HEXB: variants seen among roughly 807,000 people sequenced by gnomAD.
HEXB encodes the protein beta-hexosaminidase subunit beta.
HEXB carries 51 observed loss-of-function variants against 71.2 expected under a neutral mutation model. That is an observed-to-expected ratio of 0.72 (90% confidence interval 0.57 to 0.90). The LOEUF (loss-of-function observed/expected upper bound fraction) is 0.90. HEXB is among the 40% of genes least tolerant of loss of function. The pLI is 0.00. For missense variants in HEXB, 617 were observed against 677.0 expected (o/e 0.91, Z 0.98); for synonymous variants, 266 against 249.3 (o/e 1.07, Z -0.63).
intron 5 of HEXB, among the ~76,000 whole-genome samples, chr5:74,698,997 C>A (rs565250394): frequency 2.6e-5 from 4 of 151,956 alleles, no homozygotes; most frequent in Non-Finnish European, 1.5e-5. Context: ...CCAGCCTGAC[C>A]ACCATGGTGA....
At chr5:74,643,526 C>A (rs1408080048) in intron 1 of HEXB, among the ~76,000 whole-genome samples, 3 of 152,212 alleles carry the variant, frequency 2.0e-5, no homozygotes, top group African/African-American at 7.2e-5. Context: ...GGGAGCAGGT[C>A]TTTGCCTCTG....
intron 5 of HEXB, among the ~76,000 whole-genome samples, chr5:74,697,807 C>G (rs1457208548): frequency 6.6e-6 from 1 of 151,150 alleles, no homozygotes; most frequent in Non-Finnish European, 1.5e-5. Flanking sequence ...GTGACCACCT[C>G]TTACTTTTTT....
chr5:74,640,648 C>CG (rs1280124688), intron 1 of HEXB: 2 of 152,348 alleles, frequency 1.3e-5, no homozygotes, highest in Non-Finnish European at 2.9e-5. Context: ...CCTTGTGTGC[C>CG]GGCGGCCGCC....
chr5:74,666,117 G>A (rs946036810), intron 1 of HEXB, among the ~76,000 whole-genome samples: 4 of 152,226 alleles, frequency 2.6e-5, no homozygotes, highest in African/African-American at 9.6e-5. Context: ...CAGGAGAATT[G>A]TTGAAACTGA....
intron 11 of HEXB, chr5:74,720,196 T>G: frequency 1.8e-6 from 1 of 562,684 alleles, no homozygotes; most frequent in East Asian, 3.2e-5. Flanking sequence ...ACACGTGCTG[T>G]GAACCGTGGG....
At chr5:74,654,076 C>T (rs1321774634) in intron 1 of HEXB, among the ~76,000 whole-genome samples, 1 of 152,118 alleles carries the variant, frequency 6.6e-6, no homozygotes, top group Non-Finnish European at 1.5e-5. Context: ...AAGCTGCCCT[C>T]ACTCCCTTTG....
chr5:74,711,046 T>C (rs1423478600), intron 6 of HEXB, among the ~76,000 whole-genome samples: 3 of 150,340 alleles, frequency 2.0e-5, no homozygotes, highest in African/African-American at 7.3e-5. Flanking sequence ...ACTACAAGGC[T>C]ACAGTAACCA....
chr5:74,705,579 GC>G (rs1351305308), intron 6 of HEXB: 4 of 450,674 alleles, frequency 8.9e-6, no homozygotes, highest in African/African-American at 2.0e-5. Context: ...CAAGGTAGAA[GC>G]CCTGAATAAT....
At chr5:74,697,975 C>T (rs111992538) in intron 5 of HEXB, among the ~76,000 whole-genome samples, 168 of 152,036 alleles carry the variant, frequency 1.1e-3, no homozygotes, top group African/African-American at 3.3e-3. Flanking sequence ...CCCACCATCA[C>T]CTGCCAATTT....
At chr5:74,672,670 C>T (rs1454339440) in intron 1 of HEXB, among the ~76,000 whole-genome samples, 1 of 152,228 alleles carries the variant, frequency 6.6e-6, no homozygotes, top group African/African-American at 2.4e-5. Flanking sequence ...GCAAACCCTG[C>T]ACTGGGTAGC....
chr5:74,674,543 G>A (rs1748596585), intron 1 of HEXB, among the ~76,000 whole-genome samples: 1 of 149,712 alleles, frequency 6.7e-6, no homozygotes. Flanking sequence ...GGCGGAGCTT[G>A]CAGTGAGCTG....
chr5:74,647,870 G>A (rs938079135), intron 1 of HEXB, among the ~76,000 whole-genome samples: 2 of 152,176 alleles, frequency 1.3e-5, no homozygotes, highest in Admixed American at 1.3e-4. Context: ...TACAGGCATC[G>A]TGCTAAGGAA....
chr5:74,651,942 A>G (rs1453961345), intron 1 of HEXB, among the ~76,000 whole-genome samples: 1 of 152,206 alleles, frequency 6.6e-6, no homozygotes. Flanking sequence ...ACATGCCAGC[A>G]CAAATCCTCC....
chr5:74,715,317 CAA>C (rs1466670275), intron 7 of HEXB, among the ~76,000 whole-genome samples, 191 bp from the exon 8 acceptor site: 4 of 152,112 alleles, frequency 2.6e-5, no homozygotes, highest in Non-Finnish European at 4.4e-5. Context: ...TAATGGGAAA[CAA>C]AGAGGCAAAG....
chr5:74,714,998 G>T (rs1329666255), intron 7 of HEXB, among the ~76,000 whole-genome samples: 2 of 152,176 alleles, frequency 1.3e-5, no homozygotes, highest in South Asian at 4.1e-4. Context: ...TAAAATAATG[G>T]ACAGAACTGA....
At chr5:74,643,932 G>A (rs1405868831) in intron 1 of HEXB, among the ~76,000 whole-genome samples, 1 of 152,208 alleles carries the variant, frequency 6.6e-6, no homozygotes. Context: ...ATCTGTGCAA[G>A]GAAGATAGCA....
At chr5:74,711,110 G>C (rs1405924662) in intron 6 of HEXB, among the ~76,000 whole-genome samples, 6 of 150,960 alleles carry the variant, frequency 4.0e-5, no homozygotes, top group African/African-American at 1.5e-4. Flanking sequence ...GAACAGAACA[G>C]AGCCCTCAGA....
intron 10 of HEXB, 127 bp from the exon 11 acceptor site, chr5:74,718,670 A>G: frequency 1.0e-6 from 1 of 991,580 alleles, no homozygotes; most frequent in Non-Finnish European, 1.5e-6. Flanking sequence ...GAAAAGAGGA[A>G]AAAGAAAATG....
At chr5:74,673,426 T>C (rs1334025904) in intron 1 of HEXB, among the ~76,000 whole-genome samples, 2 of 152,220 alleles carry the variant, frequency 1.3e-5, no homozygotes, top group East Asian at 3.9e-4. Context: ...TTCCCACTTC[T>C]GCAGGAGTTA....
Sources: allele counts gnomAD v4.1 joint callset (sites outside exome capture counted in the v4.1 genomes callset), GRCh38; gene constraint gnomAD v4.1.1; transcripts MANE v1.5; gene names NCBI Gene and HGNC (gene_info 2026-07-23, HGNC 2026-07-21).